TRRAP: variants seen among roughly 807,000 people sequenced by gnomAD.
TRRAP encodes the protein transformation/transcription domain-associated protein.
A neutral mutation model predicts 438.8 loss-of-function variants in TRRAP; 41 were observed. The observed-to-expected ratio is 0.09, with a 90% CI of 0.07 to 0.12. The LOEUF (loss-of-function observed/expected upper bound fraction) is 0.12. Among genes scored for constraint, TRRAP ranks in the 10% least tolerant of loss-of-function variants. The pLI is 1.00. For synonymous variants in TRRAP, 1,994 were observed against 1,962.9 expected, an observed-to-expected ratio of 1.02 and a Z score of -0.42; for missense variants, 3,122 against 5,055.1, an observed-to-expected ratio of 0.62 and a Z score of 11.60.
Position 98,893,887 on chromosome 7 carries a change from T to C in TRRAP, c.450+6T>C. 3 of 1,612,340 alleles carry C rather than the reference T, an allele frequency of 1.9e-6. No individual in the cohort carries two copies. Among genetic ancestry groups the C allele is most frequent in the Non-Finnish European group, 2.5e-6 (3 of 1,179,454 alleles). ...GGCCACCGATCACACAAGAAGTAAG[T>C]TGTTTAAAATCCTTATAGCATTTAT... On this transcript the variant is annotated splice_donor_region_variant and intron_variant, in intron 6 of 72. Coordinates refer to ENST00000456197, the MANE Select transcript of TRRAP (RefSeq NM_001375524.1).
In TRRAP at chr7:98,970,276, C is replaced by T. The variant is rs770568005; in HGVS notation, c.7677C>T (p.Ser2559=). 1.3e-5 allele frequency: 21 copies of T among 1,612,270 alleles called. No individual in the cohort carries two copies. The African/African-American group carries it at 1.6e-4, about 12-fold the overall frequency. The change falls in exon 52 of 73, where the codon AGC becomes AGT. Residue 2559 remains serine, a synonymous_variant. Transcript: ENST00000456197. ...AGGAGCCCCGGGAGCGGGAGAACAG[C>T]GAGTCCAAAGAGGAGGTGAGGCCCT... ...VKQEPREREN[S]ESKEEDVEID...
intron 33 of TRRAP, among the ~76,000 whole-genome samples, chr7:98,947,936 G>A (rs1791160371): frequency 6.6e-6 from 1 of 152,214 alleles, no homozygotes; most frequent in Non-Finnish European, 1.5e-5. Context: ...CCACTTGTGA[G>A]CACGCATGAC....
At chr7:98,910,020 A>T (rs782573194) in intron 14 of TRRAP, 36 bp from the exon 15 acceptor site, 3 of 1,528,972 alleles carry the variant, frequency 2.0e-6, no homozygotes, top group Non-Finnish European at 2.6e-6. Context: ...AAGAAGAATA[A>T]TTCTGTCTTC....
intron 47 of TRRAP, among the ~76,000 whole-genome samples, chr7:98,963,061 A>G (rs1175272943): frequency 1.3e-5 from 2 of 152,220 alleles, no homozygotes. Flanking sequence ...ACTAAGTAGA[A>G]GTCACCTGTC....
chr7:98,884,863 C>G (rs143654599), intron 3 of TRRAP, among the ~76,000 whole-genome samples: 1 of 151,958 alleles, frequency 6.6e-6, no homozygotes, highest in Admixed American at 6.6e-5. Context: ...AGTCATGCTC[C>G]GGTACTGGCC....
At chr7:98,968,886 C>T (rs1001532441) in intron 51 of TRRAP, among the ~76,000 whole-genome samples, 6 of 152,208 alleles carry the variant, frequency 3.9e-5, no homozygotes, top group Non-Finnish European at 8.8e-5. Flanking sequence ...GGAGACCTTT[C>T]GACTGCTGGT....
In TRRAP at chr7:98,994,957, G is replaced by C; in HGVS notation, c.10309+109G>C. The C allele has an allele frequency of 6.9e-7, 1 of 1,445,842 alleles. No individual in the cohort carries two copies. The highest frequency in any genetic ancestry group is 9.4e-7 in the Non-Finnish European group (1 of 1,066,668). 89.6% of individuals were successfully genotyped at this position (1,445,842 alleles called of 1,614,324 possible). A position where few individuals can be genotyped will look rare whatever the true frequency, so the allele number is the denominator to read the frequency against. ...CCTTGGTTTTCTGATCACTGCACGG[G>C]GCACACTGGTTACACTCTGTTTACA... On this transcript the variant is annotated intron_variant, in intron 67 of 72. Transcript: ENST00000456197. The surrounding 1 kb of genome is among the most constrained non-coding windows in gnomAD (Gnocchi z 4.8).
chr7:98,959,567 G>T, intron 45 of TRRAP, 77 bp downstream of exon 45: 1 of 1,551,912 alleles, frequency 6.4e-7, no homozygotes. Flanking sequence ...GCAGGGACTG[G>T]ACATTTGTGG....
In TRRAP at chr7:98,942,955, C is replaced by T; in HGVS notation, c.4411C>T (p.Leu1471=). ...DKFCDQMMQH[L]RKWMEVVVIT... ...GGATGTGTTTTTCCAACAGCAACAT[C>T]TGCGCAAGTGGATGGAAGTGGTGGT... Residue 1471 remains leucine (L), a synonymous_variant, in exon 31 of 73, where the codon CTG becomes TTG. Transcript: ENST00000456197. 1 of 1,614,172 alleles carries T rather than the reference C, an allele frequency of 6.2e-7. No individual in the cohort carries two copies. Among genetic ancestry groups the T allele is most frequent in the Non-Finnish European group, 8.5e-7 (1 of 1,180,038 alleles).
At position 98,948,277 on chromosome 7, in the gene TRRAP, T is replaced by C; in HGVS notation, c.4605T>C (p.Pro1535=). 1 of 1,614,218 alleles carries C rather than the reference T, an allele frequency of 6.2e-7. No individual in the cohort carries two copies. The highest frequency in any genetic ancestry group is 8.5e-7 in the Non-Finnish European group (1 of 1,180,036). ...TTTTTCATCTGATCCCGGCTGCTCCTCAGACACTGGTGAAGCCTTTGCTAG... is the reference window on the plus strand; with the variant it reads ...TTTTTCATCTGATCCCGGCTGCTCCCCAGACACTGGTGAAGCCTTTGCTAG... ...INLFHLIPAA[P]QTLVKPLLEV... Residue 1535 remains proline, a synonymous_variant, in exon 34 of 73, where the codon CCT becomes CCC. Coordinates refer to ENST00000456197, the MANE Select transcript of TRRAP (RefSeq NM_001375524.1). The surrounding 1 kb of genome is among the most constrained non-coding windows in gnomAD (Gnocchi z 4.9).
At chr7:98,902,942 T>TGG (rs1796540431) in intron 11 of TRRAP, among the ~76,000 whole-genome samples, 1 of 146,380 alleles carries the variant, frequency 6.8e-6, no homozygotes, top group Non-Finnish European at 1.5e-5. Flanking sequence ...TTAGGCATGG[T>TGG]GGTATGCACC....
At chr7:98,921,995 A>G (rs781982927) in intron 21 of TRRAP, 42 bp downstream of exon 21, 39 of 1,612,478 alleles carry the variant, frequency 2.4e-5, no homozygotes, top group Non-Finnish European at 3.3e-5. Context: ...AGCCTTGTGA[A>G]GATACTATGT....
rs373002779 is a variant in TRRAP at position 98,889,315 on chromosome 7, T to C, written c.151-1020T>C. On this transcript the variant is annotated intron_variant, in intron 3 of 72. Coordinates refer to ENST00000456197, the MANE Select transcript of TRRAP (RefSeq NM_001375524.1). ...AGCACAGTATTTGACATGTAAGTGCTCTGTAAATAACAACACAACACTTCC... is the reference window on the plus strand; with the variant it reads ...AGCACAGTATTTGACATGTAAGTGCCCTGTAAATAACAACACAACACTTCC... Among the ~76,000 whole-genome samples the C allele has an allele frequency of 2.5e-4, 38 of 152,272 alleles. No homozygotes were observed. The South Asian group carries it at 7.9e-3, about 32-fold the overall frequency.
intron 22 of TRRAP, among the ~76,000 whole-genome samples, 161 bp from the exon 23 acceptor site, chr7:98,927,006 G>A (rs950681865): frequency 4.6e-5 from 7 of 152,184 alleles, no homozygotes; most frequent in East Asian, 3.9e-4. Flanking sequence ...GTGACAGAGC[G>A]AGACTCCATC....
chr7:98,975,757 G>A (rs986718502), intron 53 of TRRAP, among the ~76,000 whole-genome samples: 28 of 152,232 alleles, frequency 1.8e-4, no homozygotes, highest in African/African-American at 6.8e-4. Context: ...TCATATACGT[G>A]TGTTTTCACT....
At chr7:98,927,902 T>G (rs1204959594) in intron 23 of TRRAP, among the ~76,000 whole-genome samples, 1 of 152,182 alleles carries the variant, frequency 6.6e-6, no homozygotes, top group Non-Finnish European at 1.5e-5. Context: ...TTGTATTTGT[T>G]CACTTTTATT....
chr7:98,930,641 G>A lies in TRRAP; in HGVS notation c.3402G>A (p.Gln1134=), dbSNP rs1554412634. The A allele has an allele frequency of 6.2e-7, 1 of 1,613,612 alleles. No homozygotes were observed. Among genetic ancestry groups the A allele is most frequent in the East Asian group, 2.2e-5 (1 of 44,866 alleles). ...TTCATTTTCCTCTCCAGGCCTGCCA[G>A]CTGCCCCTGTTTTCTTACATCGTGG... ...IILGSKERAC[Q]LPLFSYIVER... is the part of the protein sequence containing the mutation. The change falls in exon 25 of 73, where the codon CAG becomes CAA. Residue 1134 remains glutamine, a synonymous_variant. Transcript: ENST00000456197.
At chr7:98,907,623 T>G (rs782663306) in intron 13 of TRRAP, among the ~76,000 whole-genome samples, 3 of 152,226 alleles carry the variant, frequency 2.0e-5, no homozygotes, top group Non-Finnish European at 4.4e-5. Flanking sequence ...TTTCTGTAGT[T>G]CTTAGAGAAA....
In TRRAP at chr7:99,005,082, C is replaced by G. The variant is rs756461363; in HGVS notation, c.10536-49C>G. ...TCCTAGCTTCTTCTCAAGACAAGGA[C>G]TGGTAGCAGAGATGCAGGGCATGTC... On this transcript the variant is annotated intron_variant, in intron 68 of 72. Transcript: ENST00000456197. This position sits in a 1 kb window ranked among gnomAD's most constrained non-coding sequence, Gnocchi z 5.1. 1.3e-6 allele frequency: 2 copies of G among 1,578,606 alleles called. No homozygotes were observed. Among genetic ancestry groups the G allele is most frequent in the Non-Finnish European group, 1.7e-6 (2 of 1,151,370 alleles).
Sources: allele counts gnomAD v4.1 joint callset (sites outside exome capture counted in the v4.1 genomes callset), GRCh38; gene constraint gnomAD v4.1.1; non-coding constraint Gnocchi (gnomAD v3.1); transcripts MANE v1.5; gene names NCBI Gene and HGNC (gene_info 2026-07-23, HGNC 2026-07-21).